The following IPCEF1 variants were observed in gnomAD, a reference collection of about 807,000 sequenced individuals.
IPCEF1 encodes interactor protein for cytohesin exchange factors 1.
In IPCEF1, 31 loss-of-function variants were observed where a neutral mutation model predicts 50.9. The ratio of observed to expected loss-of-function variants is 0.61; its 90% CI spans 0.46 to 0.82. The LOEUF is 0.82. Among genes scored for constraint, IPCEF1 ranks in the 40% least tolerant of loss-of-function variants. The pLI is 0.00. For synonymous variants in IPCEF1, 181 were observed against 192.0 expected, an observed-to-expected ratio of 0.94 and a Z score of 0.47; for missense variants, 458 against 514.0, an observed-to-expected ratio of 0.89 and a Z score of 1.05.
intron 1 of IPCEF1, among the ~76,000 whole-genome samples, chr6:154,324,006 A>G (rs1783458105): frequency 6.6e-6 from 1 of 152,228 alleles, no homozygotes; most frequent in South Asian, 2.1e-4. Flanking sequence ...GACTGATCAC[A>G]TTGAAAGTTT....
chr6:154,293,216 C>T (rs1286667915), intron 1 of IPCEF1, among the ~76,000 whole-genome samples: 1 of 152,098 alleles, frequency 6.6e-6, no homozygotes, highest in Non-Finnish European at 1.5e-5. Context: ...GGTTTCCCAA[C>T]CTATAGGTCA....
At chr6:154,267,654 G>A (rs554972105) in intron 2 of IPCEF1, among the ~76,000 whole-genome samples, 3 of 152,296 alleles carry the variant, frequency 2.0e-5, no homozygotes, top group African/African-American at 7.2e-5. Context: ...ACCCATAGTG[G>A]GTAATTCCTC....
At chr6:154,164,715 G>T (rs1236095653) in intron 11 of IPCEF1, among the ~76,000 whole-genome samples, 2 of 152,132 alleles carry the variant, frequency 1.3e-5, no homozygotes, top group African/African-American at 2.4e-5. Context: ...GGGAAGAAAG[G>T]GTTCACCGCT....
In IPCEF1 at chr6:154,311,561, A is replaced by T. The variant is rs189464176; in HGVS notation, c.-61-21805T>A. Among the ~76,000 whole-genome samples, 7 of 152,292 alleles carry T rather than the reference A, an allele frequency of 4.6e-5. No individual in the cohort carries two copies. The East Asian group carries it at 5.8e-4, about 13-fold the overall frequency. On this transcript the variant is annotated intron_variant, in intron 1 of 11. Coordinates refer to ENST00000367220, the MANE Select transcript of IPCEF1 (RefSeq NM_001130700.2). ...CCACAATTTCCTAAATATGTTTTTT[A>T]AAAAAGTGCTCATTATGTTTCCTCA...
chr6:154,353,484 G>A (rs936023326), intron 1 of IPCEF1, among the ~76,000 whole-genome samples: 15 of 152,000 alleles, frequency 9.9e-5, no homozygotes, highest in African/African-American at 3.6e-4. Flanking sequence ...ACAGGGTTTC[G>A]CCATGTTGGC....
At chr6:154,164,373 T>C (rs1425957830) in intron 11 of IPCEF1, among the ~76,000 whole-genome samples, 2 of 152,144 alleles carry the variant, frequency 1.3e-5, no homozygotes, top group African/African-American at 4.8e-5. Context: ...AGTTCTTCTA[T>C]GGATGAAAGA....
chr6:154,166,887 T>C (rs1397816193), intron 11 of IPCEF1, among the ~76,000 whole-genome samples: 1 of 152,244 alleles, frequency 6.6e-6, no homozygotes, highest in African/African-American at 2.4e-5. Flanking sequence ...TTATTATCGA[T>C]AAAAATTTTA....
chr6:154,311,532 T>A (rs1019557633), intron 1 of IPCEF1, among the ~76,000 whole-genome samples: 1 of 152,210 alleles, frequency 6.6e-6, no homozygotes, highest in Admixed American at 6.5e-5. Context: ...CCCCTCTCCA[T>A]GAACCACAAT....
intron 1 of IPCEF1, among the ~76,000 whole-genome samples, chr6:154,293,828 T>C (rs1471767252): frequency 6.6e-6 from 1 of 152,244 alleles, no homozygotes. Flanking sequence ...GTTGCACTGA[T>C]GATTGTGCTT....
intron 6 of IPCEF1, 128 bp downstream of exon 6, chr6:154,223,042 A>C: frequency 1.3e-6 from 1 of 762,730 alleles, no homozygotes; most frequent in Non-Finnish European, 2.3e-6. Flanking sequence ...GCCAACCCAT[A>C]ATGCTTCAAA....
intron 1 of IPCEF1, among the ~76,000 whole-genome samples, chr6:154,337,492 A>C (rs897005085): frequency 1.3e-5 from 2 of 152,258 alleles, no homozygotes; most frequent in African/African-American, 4.8e-5. Context: ...TAAGCAAAAG[A>C]ATCTCTGAGT....
chr6:154,343,112 T>C (rs1783953576), intron 1 of IPCEF1, among the ~76,000 whole-genome samples: 2 of 152,058 alleles, frequency 1.3e-5, no homozygotes, highest in South Asian at 4.1e-4. Context: ...CCAGACGCTA[T>C]AAAAGAGAGA....
Position 154,159,583 on chromosome 6 carries a change from T to A in IPCEF1, c.*245A>T. ...GCCCCACATCACCGTGAGCTCCCAG[T>A]AGGAACACAAAAAACGCCTTTCAAC... On this transcript the variant is annotated 3_prime_UTR_variant, in exon 12 of 12. Coordinates refer to ENST00000367220, the MANE Select transcript of IPCEF1 (RefSeq NM_001130700.2). The A allele has an allele frequency of 2.0e-6, 1 of 509,316 alleles. No individual in the cohort carries two copies. The highest frequency in any genetic ancestry group is 2.5e-5 in the South Asian group (1 of 39,792). 31.5% of individuals were successfully genotyped at this position (509,316 alleles called of 1,614,324 possible).
At chr6:154,226,163 G>T (rs1779236797) in intron 5 of IPCEF1, among the ~76,000 whole-genome samples, 1 of 151,998 alleles carries the variant, frequency 6.6e-6, no homozygotes, top group African/African-American at 2.4e-5. Flanking sequence ...ACTCTCTATG[G>T]ATGATCATAC....
intron 2 of IPCEF1, among the ~76,000 whole-genome samples, chr6:154,282,197 A>T (rs79699046): frequency 0.054 from 8,231 of 152,198 alleles, 312 homozygotes; most frequent in African/African-American, 0.1. Flanking sequence ...AATAAATAAA[A>T]TAAATGGTTT....
At chr6:154,240,921 A>C (rs928236721) in intron 5 of IPCEF1, among the ~76,000 whole-genome samples, 2 of 152,186 alleles carry the variant, frequency 1.3e-5, no homozygotes, top group African/African-American at 4.8e-5. Context: ...AAACCTCTTC[A>C]GTTTGTCTAA....
chr6:154,244,939 C>T (rs576731198), intron 5 of IPCEF1, among the ~76,000 whole-genome samples: 1 of 152,298 alleles, frequency 6.6e-6, no homozygotes, highest in South Asian at 2.1e-4. Context: ...AGTAGGTTCT[C>T]TCATGTTATA....
At chr6:154,349,186 A>C (rs747222312) in intron 1 of IPCEF1, among the ~76,000 whole-genome samples, 16 of 139,950 alleles carry the variant, frequency 1.1e-4, no homozygotes, top group Non-Finnish European at 2.0e-4. Context: ...ATTTTATCTT[A>C]TTATTATTAT....
At chr6:154,266,414 A>C (rs1781754898) in intron 2 of IPCEF1, among the ~76,000 whole-genome samples, 1 of 151,946 alleles carries the variant, frequency 6.6e-6, no homozygotes, top group South Asian at 2.1e-4. Context: ...TGAATAAATA[A>C]ATAAATAGCT....
Sources: allele counts gnomAD v4.1 joint callset (sites outside exome capture counted in the v4.1 genomes callset), GRCh38; gene constraint gnomAD v4.1.1; transcripts MANE v1.5; gene names NCBI Gene and HGNC (gene_info 2026-07-23, HGNC 2026-07-21).